The following CACNB4 variants were observed in gnomAD, a reference collection of about 807,000 sequenced individuals.
The protein encoded by CACNB4 is calcium voltage-gated channel auxiliary subunit beta 4.
In CACNB4, 32 loss-of-function variants were observed where a neutral mutation model predicts 71.2. That is an observed-to-expected ratio of 0.45 (90% CI 0.34 to 0.60). The LOEUF (loss-of-function observed/expected upper bound fraction) is 0.60. CACNB4 is among the 20% of genes least tolerant of loss of function. The pLI, the probability that CACNB4 is intolerant of heterozygous loss-of-function variation, is 0.01. For synonymous variants in CACNB4, 231 were observed against 236.9 expected (o/e 0.97, Z 0.23); for missense variants, 464 against 647.9 (o/e 0.72, Z 3.08).
intron 12 of CACNB4, among the ~76,000 whole-genome samples, chr2:151,846,618 T>A (rs2099837658): frequency 1.3e-5 from 2 of 152,180 alleles, no homozygotes; most frequent in South Asian, 4.1e-4. Context: ...AGTGGCGTAA[T>A]CTCCGATCAC....
chr2:151,921,896 T>C (rs2099859112), intron 2 of CACNB4, among the ~76,000 whole-genome samples: 1 of 152,206 alleles, frequency 6.6e-6, no homozygotes, highest in Non-Finnish European at 1.5e-5. Flanking sequence ...CCTTCCGCCA[T>C]GATTCTAAGT....
chr2:152,035,684 G>C (rs554691224), intron 2 of CACNB4, among the ~76,000 whole-genome samples: 1 of 112,512 alleles, frequency 8.9e-6, no homozygotes, highest in East Asian at 2.9e-4. Flanking sequence ...TATGTATTAA[G>C]ATGCACCTGA....
chr2:151,983,985 T>C lies in CACNB4; in HGVS notation c.148-100615A>G, dbSNP rs949372844. On this transcript the variant is annotated intron_variant, in intron 2 of 13. Coordinates refer to ENST00000539935, the MANE Select transcript of CACNB4 (RefSeq NM_000726.5). ...AATAGTATCATAATTTTCAAAAACA[T>C]TAGTTTTAAAAAAATTATTTCTAAT... Among the ~76,000 whole-genome samples the C allele has an allele frequency of 1.2e-3, 187 of 152,278 alleles. 1 individual carries two copies. The highest frequency in any genetic ancestry group is 4.0e-3 in the African/African-American group (166 of 41,544).
intron 2 of CACNB4, among the ~76,000 whole-genome samples, chr2:151,946,652 C>T (rs1185980698): frequency 6.6e-6 from 1 of 152,190 alleles, no homozygotes; most frequent in Non-Finnish European, 1.5e-5. Flanking sequence ...AAGATCAGAG[C>T]TTCAGGGTGT....
At chr2:151,882,728 CT>C (rs1414434910) in intron 3 of CACNB4, among the ~76,000 whole-genome samples, 1 of 152,198 alleles carries the variant, frequency 6.6e-6, no homozygotes, top group Non-Finnish European at 1.5e-5. Context: ...TGTGGAATAT[CT>C]GAAGGTCTAT....
chr2:151,858,888 CTCT>C (rs1347497640), intron 10 of CACNB4: 2 of 152,230 alleles, frequency 1.3e-5, no homozygotes, highest in Non-Finnish European at 1.5e-5. Context: ...TTAACCCCTA[CTCT>C]TCTTTATACC....
intron 2 of CACNB4, among the ~76,000 whole-genome samples, chr2:152,042,176 C>T (rs769598398): frequency 3.9e-5 from 6 of 152,240 alleles, no homozygotes; most frequent in Non-Finnish European, 8.8e-5. Context: ...CTAATTGCTA[C>T]TAAGCATGGA....
At chr2:151,851,503 C>T (rs2099839074) in intron 12 of CACNB4, 1 of 152,170 alleles carries the variant, frequency 6.6e-6, no homozygotes, top group South Asian at 2.1e-4. Flanking sequence ...GACCTGGGTA[C>T]AAGTCCTAAG....
chr2:151,889,579 G>A (rs1015118012), intron 2 of CACNB4, among the ~76,000 whole-genome samples: 10 of 151,666 alleles, frequency 6.6e-5, no homozygotes, highest in Non-Finnish European at 1.2e-4. Flanking sequence ...TGTTTGTAAT[G>A]ACTTGACAAT....
Position 151,876,512 on chromosome 2 carries a change from G to GC in CACNB4, c.434dup (p.Cys146LeufsTer2). 6.2e-7 allele frequency: 1 copy of GC among 1,600,494 alleles called. No homozygotes were observed. Among genetic ancestry groups the GC allele is most frequent in the Non-Finnish European group, 8.5e-7 (1 of 1,170,734 alleles). On this transcript the variant is annotated frameshift_variant, in exon 5 of 14. Coordinates refer to ENST00000539935, the MANE Select transcript of CACNB4 (RefSeq NM_000726.5). LOFTEE classifies it high-confidence loss of function. The stretch of plus-strand genomic sequence containing the variant: ...GACTTGGAATGAAGCCAATTTCACA[G>GC]CCCTCTTTCACCAGCCTTCCTATCC...
intron 2 of CACNB4, among the ~76,000 whole-genome samples, chr2:152,006,379 ATC>A (rs1285035536): frequency 6.7e-6 from 1 of 148,486 alleles, no homozygotes; most frequent in African/African-American, 2.5e-5. Flanking sequence ...CCCGTTCCAT[ATC>A]TCTCTTTTTT....
chr2:152,099,021 C>T lies in CACNB4; in HGVS notation c.-10G>A, dbSNP rs201362306. ...AGGAGGAGGAGGACATCGTTCAGAG[C>T]CGCCGCATGGCCAGCCCGTGTGCGG... On this transcript the variant is annotated 5_prime_UTR_variant, in exon 1 of 14. Coordinates refer to ENST00000539935, the MANE Select transcript of CACNB4 (RefSeq NM_000726.5). The T allele has an allele frequency of 1.4e-5, 21 of 1,520,644 alleles. No individual in the cohort carries two copies. In the African/African-American group the frequency reaches 2.1e-4, roughly 15 times the overall value. The allele number at this position is 1,520,644 out of a possible 1,614,324, so 94.2% of individuals were successfully genotyped here. A position where few individuals can be genotyped will look rare whatever the true frequency, so the allele number is the denominator to read the frequency against.
rs1337550238 is a variant in CACNB4, at chr2:151,836,746, CTT to C, written c.*2371_*2372del. The C allele has an allele frequency of 6.6e-6, 1 of 151,810 alleles. No individual in the cohort carries two copies. The highest frequency in any genetic ancestry group is 1.5e-5 in the Non-Finnish European group (1 of 67,804). 9.4% of individuals were successfully genotyped at this position (151,810 alleles called of 1,614,324 possible). A position where few individuals can be genotyped will look rare whatever the true frequency, so the allele number is the denominator to read the frequency against. On this transcript the variant is annotated 3_prime_UTR_variant, in exon 14 of 14. Coordinates refer to ENST00000539935, the MANE Select transcript of CACNB4 (RefSeq NM_000726.5). The stretch of plus-strand genomic sequence containing the variant: ...TTGAAAAACCTTTAAAAACAAGTGA[CTT>C]TTAAAAAGTTGAAAGAAGATGGTAA...
chr2:152,091,360 T>G (rs1687962483), intron 2 of CACNB4, among the ~76,000 whole-genome samples: 1 of 152,178 alleles, frequency 6.6e-6, no homozygotes. Flanking sequence ...ACAGAGCAAG[T>G]AAAAACTTCC....
intron 2 of CACNB4, among the ~76,000 whole-genome samples, chr2:152,020,836 C>T (rs552884821): frequency 7.2e-5 from 11 of 152,286 alleles, no homozygotes; most frequent in Middle Eastern, 3.4e-3. Flanking sequence ...AACCTAACCT[C>T]GGGCACCTAA....
At chr2:151,935,565 G>C (rs2099862730) in intron 2 of CACNB4, among the ~76,000 whole-genome samples, 1 of 152,154 alleles carries the variant, frequency 6.6e-6, no homozygotes, top group Admixed American at 6.5e-5. Flanking sequence ...GAAGCACACT[G>C]TGTTACTATA....
At chr2:152,049,808 T>G (rs926142565) in intron 2 of CACNB4, among the ~76,000 whole-genome samples, 6 of 152,274 alleles carry the variant, frequency 3.9e-5, no homozygotes, top group African/African-American at 1.4e-4. Context: ...TTTTAGGCTA[T>G]GAATTGATAA....
At chr2:152,016,004 T>C (rs1282626404) in intron 2 of CACNB4, among the ~76,000 whole-genome samples, 1 of 152,258 alleles carries the variant, frequency 6.6e-6, no homozygotes, top group Non-Finnish European at 1.5e-5. Context: ...TTTTTTGTAG[T>C]TGCCACTAAA....
chr2:151,993,324 G>C (rs886872438), intron 2 of CACNB4, among the ~76,000 whole-genome samples: 3 of 151,952 alleles, frequency 2.0e-5, no homozygotes, highest in Non-Finnish European at 4.4e-5. Context: ...CTACTTTCAG[G>C]GACAGGAAAT....
Sources: allele counts gnomAD v4.1 joint callset (sites outside exome capture counted in the v4.1 genomes callset), GRCh38; gene constraint gnomAD v4.1.1; transcripts MANE v1.5; gene names NCBI Gene and HGNC (gene_info 2026-07-23, HGNC 2026-07-21).